Variants in RPAP2 observed in about 807,000 individuals in gnomAD.
The protein encoded by RPAP2 is putative RNA polymerase II subunit B1 CTD phosphatase RPAP2.
RPAP2 carries 52 observed loss-of-function variants against 73.1 expected under a neutral mutation model. The ratio of observed to expected loss-of-function variants is 0.71; its 90% CI spans 0.57 to 0.90. The LOEUF (loss-of-function observed/expected upper bound fraction) is 0.90, where lower values mean the gene tolerates loss of function less well. Ranked by LOEUF, RPAP2 falls within the 40% of genes least tolerant of loss-of-function variation. RPAP2 has a pLI of 0.00. For missense variants in RPAP2, 598 were observed against 701.8 expected, an observed-to-expected ratio of 0.85 and a Z score of 1.67; for synonymous variants, 225 against 242.1, an observed-to-expected ratio of 0.93 and a Z score of 0.65.
At position 92,387,297 on chromosome 1, in the gene RPAP2, G is replaced by C. The variant is rs757189835; in HGVS notation, c.*286G>C. On this transcript the variant is annotated 3_prime_UTR_variant, in exon 13 of 13. Transcript: ENST00000610020. ...AAAATGAATGTTTAAGTATTAAATT[G>C]AAACTTGAATGAATATTCAAGAAAA... 4.1e-6 allele frequency: 1 copy of C among 245,446 alleles called. No individual in the cohort carries two copies. The highest frequency in any genetic ancestry group is 7.7e-6 in the Non-Finnish European group (1 of 129,202). 15.2% of individuals were successfully genotyped at this position (245,446 alleles called of 1,614,324 possible). A position where few individuals can be genotyped will look rare whatever the true frequency, so the allele number is the denominator to read the frequency against.
intron 6 of RPAP2, among the ~76,000 whole-genome samples, chr1:92,318,820 G>A (rs984565110): frequency 1.3e-5 from 2 of 152,110 alleles, no homozygotes; most frequent in Admixed American, 6.5e-5. Context: ...CAGTCTTATA[G>A]TAATTGGTGA....
At chr1:92,303,839 C>G in intron 3 of RPAP2, 138 bp from the exon 4 acceptor site, 1 of 498,996 alleles carries the variant, frequency 2.0e-6, no homozygotes, top group Non-Finnish European at 3.4e-6. Flanking sequence ...ATTTTCTCCT[C>G]TAATTCTAAC....
chr1:92,313,414 TTAA>T lies in RPAP2; in HGVS notation c.488+6143_488+6145del, dbSNP rs766741176. On this transcript the variant is annotated intron_variant, in intron 6 of 12. Coordinates refer to ENST00000610020, the MANE Select transcript of RPAP2 (RefSeq NM_024813.3). ...AGTTCTTGGGTGGCTAGGTACATTG[TTAA>T]TAATCAGTAATATTTGGAAAGGAAT... Among the ~76,000 whole-genome samples, 24 of 151,528 alleles carry T rather than the reference TTAA, an allele frequency of 1.6e-4. No homozygotes were observed. In the East Asian group the frequency reaches 2.5e-3, roughly 16 times the overall value.
chr1:92,343,750 A>G (rs1653725354), intron 10 of RPAP2, among the ~76,000 whole-genome samples: 1 of 151,142 alleles, frequency 6.6e-6, no homozygotes. Flanking sequence ...TATATATTAG[A>G]AGGCAATAAG....
chr1:92,333,536 A>C, intron 9 of RPAP2, 63 bp downstream of exon 9: 2 of 1,107,338 alleles, frequency 1.8e-6, no homozygotes, highest in Non-Finnish European at 2.8e-6. Context: ...ATTTAAGCTC[A>C]TAATGTGTAA....
At chr1:92,351,305 C>CAAAAA (rs60111119) in intron 11 of RPAP2, among the ~76,000 whole-genome samples, 246 of 86,484 alleles carry the variant, frequency 2.8e-3, no homozygotes, top group Non-Finnish European at 3.9e-3. Context: ...GACTCTGTCT[C>CAAAAA]AAAAAAAAAA....
chr1:92,317,765 C>T lies in RPAP2; in HGVS notation c.489-2834C>T, dbSNP rs116273889. Reference sequence around the variant, plus strand: ...GCCTACCTTATGCTTTTTCCCTTGCCTTCTTTAAAGATACAATTTTCTTTT... The same window carrying T: ...GCCTACCTTATGCTTTTTCCCTTGCTTTCTTTAAAGATACAATTTTCTTTT... On this transcript the variant is annotated intron_variant, in intron 6 of 12. Transcript: ENST00000610020. 5.7e-3 allele frequency among the ~76,000 whole-genome samples: 864 copies of T among 152,188 alleles called. 7 individuals carry two copies. The highest frequency in any genetic ancestry group is 0.018 in the African/African-American group (756 of 41,512).
rs532918419 is a variant in RPAP2 at position 92,330,427 on chromosome 1, T to C, written c.1456-2964T>C. ...AACTATCTTTTCCTCTGATTTTCTT[T>C]GTGGGTTGTCAATTTTTTTTTTTTT... is the stretch of plus-strand genomic sequence containing the variant. On this transcript the variant is annotated intron_variant, in intron 8 of 12. Transcript: ENST00000610020. 6.6e-5 allele frequency among the ~76,000 whole-genome samples: 10 copies of C among 151,190 alleles called. No individual in the cohort carries two copies. In the East Asian group the frequency reaches 2.0e-3, roughly 29 times the overall value.
intron 8 of RPAP2, 57 bp downstream of exon 8, chr1:92,324,432 C>A: frequency 7.8e-7 from 1 of 1,278,910 alleles, no homozygotes; most frequent in Non-Finnish European, 1.1e-6. Context: ...AAACTCACCA[C>A]AGCAAATCTT....
chr1:92,303,865 A>T (rs2101104233), intron 3 of RPAP2, 112 bp from the exon 4 acceptor site: 1 of 584,018 alleles, frequency 1.7e-6, no homozygotes, highest in African/African-American at 1.9e-5. Flanking sequence ...ACTTATGAGG[A>T]AGGTACTATT....
In RPAP2 at chr1:92,398,856, T is replaced by C. The variant is rs1217149824; in HGVS notation, c.*11845T>C. ...TAAAGAAATGCCTTCATGAAATGTA[T>C]TGTTCCCCAATAAAGCTCATTTTCT... On this transcript the variant is annotated 3_prime_UTR_variant, in exon 13 of 13. Coordinates refer to ENST00000610020, the MANE Select transcript of RPAP2 (RefSeq NM_024813.3). 8 of 152,260 alleles carry C rather than the reference T, an allele frequency of 5.3e-5. No homozygotes were observed. The highest frequency in any genetic ancestry group is 1.0e-4 in the Non-Finnish European group (7 of 68,056). The allele number at this position is 152,260 out of a possible 1,614,324, so 9.4% of individuals were successfully genotyped here.
intron 6 of RPAP2, among the ~76,000 whole-genome samples, chr1:92,311,813 C>G (rs749514752): frequency 6.6e-6 from 1 of 152,070 alleles, no homozygotes; most frequent in Non-Finnish European, 1.5e-5. Flanking sequence ...TGTGCAGTAG[C>G]GTTATATCTT....
chr1:92,346,449 C>T (rs1653905623), intron 11 of RPAP2, among the ~76,000 whole-genome samples: 1 of 152,182 alleles, frequency 6.6e-6, no homozygotes, highest in Non-Finnish European at 1.5e-5. Flanking sequence ...TAGGCATGAG[C>T]CACCACACCC....
intron 10 of RPAP2, among the ~76,000 whole-genome samples, chr1:92,338,330 CT>C (rs1653393005): frequency 6.6e-6 from 1 of 152,170 alleles, no homozygotes; most frequent in Non-Finnish European, 1.5e-5. Context: ...TGGCCTTGGC[CT>C]TTGCCAAAAG....
chr1:92,348,117 C>T (rs1654005632), intron 11 of RPAP2, among the ~76,000 whole-genome samples: 1 of 152,142 alleles, frequency 6.6e-6, no homozygotes, highest in Non-Finnish European at 1.5e-5. Flanking sequence ...TCTCGAACTC[C>T]TGACCTTGTG....
Position 92,346,446 on chromosome 1 carries a change from G to A in RPAP2, c.1688+532G>A, listed in dbSNP as rs570711816. On this transcript the variant is annotated intron_variant, in intron 11 of 12. Transcript: ENST00000610020. Reference sequence around the variant, plus strand: ...CCCAAACTGCTAGGATTATAGGCATGAGCCACCACACCCAGCCTGTTATCA... The same window carrying A: ...CCCAAACTGCTAGGATTATAGGCATAAGCCACCACACCCAGCCTGTTATCA... Among the ~76,000 whole-genome samples the A allele has an allele frequency of 4.6e-5, 7 of 152,250 alleles. No individual in the cohort carries two copies. The East Asian group carries it at 1.2e-3, about 25-fold the overall frequency.
intron 11 of RPAP2, among the ~76,000 whole-genome samples, chr1:92,348,426 G>T (rs551196050): frequency 5.2e-4 from 79 of 152,062 alleles, no homozygotes; most frequent in African/African-American, 1.8e-3. Flanking sequence ...CTAGGTTTTT[G>T]CCTTTGAAAT....
At position 92,397,932 on chromosome 1, in the gene RPAP2, G is replaced by A. The variant is rs181193031; in HGVS notation, c.*10921G>A. ...AGCACTTTGGGAGACTGAGGTGGGA[G>A]GATGACTTGAGCCCAGGAGTTTGAG... On this transcript the variant is annotated 3_prime_UTR_variant, in exon 13 of 13. Transcript: ENST00000610020. 2.5e-3 allele frequency: 387 copies of A among 153,068 alleles called. 3 individuals are homozygous for A. The highest frequency in any genetic ancestry group is 9.3e-3 in the South Asian group (45 of 4,836). The allele number at this position is 153,068 out of a possible 1,614,324, so 9.5% of individuals were successfully genotyped here.
rs1013825488 is a variant in RPAP2, at chr1:92,398,700, C to T, written c.*11689C>T. The T allele has an allele frequency of 2.0e-5, 3 of 152,222 alleles. No homozygotes were observed. The highest frequency in any genetic ancestry group is 2.9e-5 in the Non-Finnish European group (2 of 68,090). The allele number at this position is 152,222 out of a possible 1,614,324, so 9.4% of individuals were successfully genotyped here. On this transcript the variant is annotated 3_prime_UTR_variant, in exon 13 of 13. Transcript: ENST00000610020. ...GGACTTTGCCATCCAGGCCAAGAAGCATGCTCCAGTGTGCATGCACTCTCA... is the reference window on the plus strand; with the variant it reads ...GGACTTTGCCATCCAGGCCAAGAAGTATGCTCCAGTGTGCATGCACTCTCA...
Sources: gnomAD v4.1 joint callset for allele counts (sites outside exome capture counted in the v4.1 genomes callset) on GRCh38, gnomAD v4.1.1 for gene constraint, MANE v1.5 for transcripts, NCBI Gene and HGNC (gene_info 2026-07-23, HGNC 2026-07-21) for gene names.